Variants in ENOX1 observed in about 807,000 individuals in gnomAD.
The protein encoded by ENOX1 is ecto-NOX disulfide-thiol exchanger 1.
In ENOX1, 42 loss-of-function variants were observed where a neutral mutation model predicts 82.5. That is an observed-to-expected ratio of 0.51 (90% CI 0.40 to 0.66). The LOEUF is 0.66. ENOX1 is among the 30% of genes least tolerant of loss of function. ENOX1 has a pLI of 0.00. For synonymous variants in ENOX1, 271 were observed against 282.2 expected, an observed-to-expected ratio of 0.96 and a Z score of 0.40; for missense variants, 608 against 811.6, an observed-to-expected ratio of 0.75 and a Z score of 3.05.
intron 16 of ENOX1, among the ~76,000 whole-genome samples, chr13:43,217,183 T>G (rs2041533920): frequency 6.6e-6 from 1 of 152,156 alleles, no homozygotes; most frequent in Admixed American, 6.5e-5. Context: ...TCACTGCCTC[T>G]CTGGCCCTGG....
At chr13:43,361,201 A>G (rs897357902) in intron 6 of ENOX1, 78 bp downstream of exon 6, 6 of 1,468,218 alleles carry the variant, frequency 4.1e-6, no homozygotes, top group Non-Finnish European at 5.6e-6. Context: ...CACATCTGAA[A>G]ATGACTGCAA....
chr13:43,462,779 C>A (rs190528352), intron 3 of ENOX1, among the ~76,000 whole-genome samples: 8 of 152,206 alleles, frequency 5.3e-5, no homozygotes, highest in African/African-American at 1.7e-4. Context: ...TCCCCATAAA[C>A]GAGTCAACCT....
At chr13:43,690,260 A>T (rs1275070113) in intron 1 of ENOX1, among the ~76,000 whole-genome samples, 2 of 246 alleles carry the variant, frequency 8.1e-3, no homozygotes, top group Non-Finnish European at 0.033. Context: ...AAATAAGTTA[A>T]AAAAAAAAAA....
intron 5 of ENOX1, among the ~76,000 whole-genome samples, chr13:43,405,540 T>TC (rs924339572): frequency 2.0e-5 from 3 of 152,128 alleles, no homozygotes; most frequent in African/African-American, 7.2e-5. Flanking sequence ...CTTTCAGCCT[T>TC]CCCCACCTTC....
Position 43,668,036 on chromosome 13 carries a change from A to C in ENOX1, c.-284-492T>G, listed in dbSNP as rs556062298. Among the ~76,000 whole-genome samples the C allele has an allele frequency of 6.6e-5, 10 of 152,352 alleles. No homozygotes were observed. In the South Asian group the frequency reaches 1.7e-3, roughly 25 times the overall value. On this transcript the variant is annotated intron_variant, in intron 1 of 16. Transcript: ENST00000690772. Reference sequence around the variant, plus strand: ...AAATTGAAATAAGAGTTACACACTTATAAGCTTTCTCTCAGGAAATTTGTT... The same window carrying C: ...AAATTGAAATAAGAGTTACACACTTCTAAGCTTTCTCTCAGGAAATTTGTT...
chr13:43,371,478 G>A (rs2051240252), intron 5 of ENOX1, among the ~76,000 whole-genome samples: 1 of 152,170 alleles, frequency 6.6e-6, no homozygotes, highest in South Asian at 2.1e-4. Context: ...ACTATAGTCA[G>A]TATTTATAAC....
chr13:43,349,305 C>T (rs1305151991), intron 8 of ENOX1, among the ~76,000 whole-genome samples: 1 of 152,164 alleles, frequency 6.6e-6, no homozygotes, highest in Non-Finnish European at 1.5e-5. Context: ...AAGCAAGGCC[C>T]TCTGCAGTGA....
chr13:43,396,143 G>A (rs759471476), intron 5 of ENOX1, among the ~76,000 whole-genome samples: 1 of 152,056 alleles, frequency 6.6e-6, no homozygotes, highest in African/African-American at 2.4e-5. Flanking sequence ...TTTATCCTCT[G>A]GTACTGGTTA....
At chr13:43,593,871 T>C (rs1207384187) in intron 2 of ENOX1, among the ~76,000 whole-genome samples, 3 of 152,202 alleles carry the variant, frequency 2.0e-5, no homozygotes, top group Non-Finnish European at 2.9e-5. Flanking sequence ...TGAAGCACGC[T>C]AAAACTGGGA....
chr13:43,332,732 A>G (rs1167798543), intron 9 of ENOX1, among the ~76,000 whole-genome samples: 2 of 152,202 alleles, frequency 1.3e-5, no homozygotes, highest in African/African-American at 4.8e-5. Context: ...AAAGCAATAC[A>G]TGAGATTATA....
At chr13:43,766,833 A>C (rs996660388) in intron 1 of ENOX1, among the ~76,000 whole-genome samples, 2 of 152,176 alleles carry the variant, frequency 1.3e-5, no homozygotes, top group South Asian at 4.1e-4. Flanking sequence ...AAAAGGATGA[A>C]AAGGATATCC....
At chr13:43,770,267 CT>C (rs1951511426) in intron 1 of ENOX1, among the ~76,000 whole-genome samples, 1 of 152,222 alleles carries the variant, frequency 6.6e-6, no homozygotes, top group Admixed American at 6.5e-5. Context: ...GGCATTCCCC[CT>C]GGTCACATGA....
intron 2 of ENOX1, chr13:43,546,890 C>A (rs921388482): frequency 3.9e-5 from 6 of 152,190 alleles, no homozygotes; most frequent in Admixed American, 3.9e-4. Context: ...GATTGACTTG[C>A]CAAGTCCTGT....
intron 2 of ENOX1, among the ~76,000 whole-genome samples, chr13:43,526,401 A>T (rs2077993165): frequency 6.6e-6 from 1 of 152,080 alleles, no homozygotes; most frequent in Non-Finnish European, 1.5e-5. Flanking sequence ...GCCTTGAAAA[A>T]CCAGGATGAA....
At chr13:43,750,359 A>G (rs1313643701) in intron 1 of ENOX1, among the ~76,000 whole-genome samples, 2 of 152,172 alleles carry the variant, frequency 1.3e-5, no homozygotes, top group Non-Finnish European at 2.9e-5. Context: ...TAATAGTGTC[A>G]AAAGCATAAC....
At chr13:43,559,852 T>TA (rs1382986321) in intron 2 of ENOX1, among the ~76,000 whole-genome samples, 1 of 152,148 alleles carries the variant, frequency 6.6e-6, no homozygotes, top group Non-Finnish European at 1.5e-5. Flanking sequence ...TGGAAAAGAC[T>TA]AAAACACAAA....
intron 14 of ENOX1, among the ~76,000 whole-genome samples, chr13:43,246,636 G>T (rs566267369): frequency 7.2e-5 from 11 of 151,940 alleles, no homozygotes; most frequent in Non-Finnish European, 1.5e-4. Context: ...TGGGGCCAAT[G>T]AAGAAGAAGA....
chr13:43,591,698 G>A (rs1384644156), intron 2 of ENOX1, among the ~76,000 whole-genome samples: 1 of 152,134 alleles, frequency 6.6e-6, no homozygotes, highest in Non-Finnish European at 1.5e-5. Flanking sequence ...AAAGAGCATT[G>A]GAGTTGGGAA....
chr13:43,307,973 C>T lies in ENOX1; in HGVS notation c.1262-9443G>A, dbSNP rs575708505. ...CCCTCCCATGTACACATGCTTACCA[C>T]ACCAGTCTCTAGATTCGCAGAGGCT... On this transcript the variant is annotated intron_variant, in intron 11 of 16. Coordinates refer to ENST00000690772, the MANE Select transcript of ENOX1 (RefSeq NM_001347969.2). Among the ~76,000 whole-genome samples the T allele has an allele frequency of 3.9e-5, 6 of 152,322 alleles. No homozygotes were observed. In the South Asian group the frequency reaches 1.0e-3, roughly 26 times the overall value.
Sources: gnomAD v4.1 joint callset for allele counts (sites outside exome capture counted in the v4.1 genomes callset) on GRCh38, gnomAD v4.1.1 for gene constraint, MANE v1.5 for transcripts, NCBI Gene and HGNC (gene_info 2026-07-23, HGNC 2026-07-21) for gene names.